ALK: variants seen among roughly 807,000 people sequenced by gnomAD.
ALK encodes ALK receptor tyrosine kinase.
Under a neutral mutation model 163.1 loss-of-function variants are expected in ALK, and 74 were observed. The ratio of observed to expected loss-of-function variants is 0.45; its 90% CI spans 0.38 to 0.55. The LOEUF (loss-of-function observed/expected upper bound fraction) is 0.55. Among genes scored for constraint, ALK ranks in the 20% least tolerant of loss-of-function variants. The pLI is 0.00. For missense variants in ALK, 2,063 were observed against 2,105.3 expected, an observed-to-expected ratio of 0.98 and a Z score of 0.39; for synonymous variants, 960 against 843.2, an observed-to-expected ratio of 1.14 and a Z score of -2.40.
At chr2:29,841,027 C>T (rs1349363953) in intron 1 of ALK, among the ~76,000 whole-genome samples, 1 of 152,180 alleles carries the variant, frequency 6.6e-6, no homozygotes, top group African/African-American at 2.4e-5. Flanking sequence ...CTCTAAGAAT[C>T]ATTTTGTTAG....
intron 1 of ALK, among the ~76,000 whole-genome samples, chr2:29,840,935 C>T (rs570987257): frequency 2.4e-4 from 36 of 152,220 alleles, no homozygotes; most frequent in African/African-American, 6.5e-4. Flanking sequence ...CTTTTAGATA[C>T]GGCTACTGTT....
chr2:29,292,727 C>G (rs1666067875), intron 9 of ALK, among the ~76,000 whole-genome samples: 2 of 152,176 alleles, frequency 1.3e-5, no homozygotes, highest in Non-Finnish European at 2.9e-5. Flanking sequence ...TTTCCTGTTA[C>G]TCATTATACT....
intron 4 of ALK, among the ~76,000 whole-genome samples, chr2:29,483,171 C>T (rs1180634151): frequency 3.9e-5 from 6 of 152,160 alleles, no homozygotes; most frequent in Non-Finnish European, 8.8e-5. Flanking sequence ...TAAGCATCTC[C>T]CTCTCCCAGA....
intron 1 of ALK, among the ~76,000 whole-genome samples, chr2:29,892,643 G>T (rs1390144175): frequency 6.6e-6 from 1 of 152,170 alleles, no homozygotes; most frequent in Non-Finnish European, 1.5e-5. Context: ...GAGAGCTGAA[G>T]GGATTGGTCA....
At chr2:29,541,615 T>G (rs187675243) in intron 3 of ALK, among the ~76,000 whole-genome samples, 135 of 152,300 alleles carry the variant, frequency 8.9e-4, no homozygotes, top group African/African-American at 3.2e-3. Context: ...TGTTAAGGCT[T>G]CAAAGTGGGG....
At chr2:29,589,662 G>A (rs1248693203) in intron 3 of ALK, among the ~76,000 whole-genome samples, 1 of 152,096 alleles carries the variant, frequency 6.6e-6, no homozygotes, top group Non-Finnish European at 1.5e-5. Flanking sequence ...CAAAATCATT[G>A]GCTAACTCCA....
At chr2:29,789,225 T>C (rs1664127179) in intron 1 of ALK, among the ~76,000 whole-genome samples, 1 of 152,222 alleles carries the variant, frequency 6.6e-6, no homozygotes, top group African/African-American at 2.4e-5. Context: ...TATCATTTCA[T>C]TTATTTTTTT....
intron 3 of ALK, among the ~76,000 whole-genome samples, chr2:29,562,455 T>C (rs10184907): frequency 0.18 from 27,776 of 152,186 alleles, 3,107 homozygotes; most frequent in African/African-American, 0.3. Context: ...CTCTAGTTTA[T>C]CAGTTTTCTC....
intron 1 of ALK, among the ~76,000 whole-genome samples, chr2:29,845,576 G>C (rs545222072): frequency 2.0e-5 from 3 of 152,034 alleles, no homozygotes; most frequent in East Asian, 1.9e-4. Context: ...CTGGGAGTAC[G>C]GGCATGTGCC....
chr2:29,501,208 C>A (rs914864237), intron 4 of ALK, among the ~76,000 whole-genome samples: 1 of 152,182 alleles, frequency 6.6e-6, no homozygotes, highest in African/African-American at 2.4e-5. Context: ...CTGTCCTCTC[C>A]ACTGATTCTT....
At position 29,383,010 on chromosome 2, in the gene ALK, C is replaced by G. The variant is rs144391503; in HGVS notation, c.1282+722G>C. ...CAGAGGCACAAAGTTCAAATCCAGG[C>G]CTGTACATGGAACAGATGACTGTGG... On this transcript the variant is annotated intron_variant, in intron 5 of 28. Transcript: ENST00000389048. Among the ~76,000 whole-genome samples the G allele has an allele frequency of 2.1e-3, 323 of 152,238 alleles. 2 individuals carry two copies. Among genetic ancestry groups the G allele is most frequent in the East Asian group, 0.01 (54 of 5,176 alleles).
intron 1 of ALK, among the ~76,000 whole-genome samples, chr2:29,906,713 A>G (rs2148434587): frequency 6.6e-6 from 1 of 152,300 alleles, no homozygotes; most frequent in African/African-American, 2.4e-5. Context: ...TTTATTTGCA[A>G]AAACGAAAAG....
At chr2:29,754,699 A>G (rs1680464194) in intron 1 of ALK, among the ~76,000 whole-genome samples, 1 of 151,914 alleles carries the variant, frequency 6.6e-6, no homozygotes, top group Non-Finnish European at 1.5e-5. Context: ...CAAAATAATA[A>G]TAATAATAAT....
chr2:29,367,392 T>C (rs1240088231), intron 5 of ALK, among the ~76,000 whole-genome samples: 1 of 152,206 alleles, frequency 6.6e-6, no homozygotes, highest in Non-Finnish European at 1.5e-5. Flanking sequence ...AGAACCATAA[T>C]GTCTTTGGGA....
chr2:29,693,898 T>G (rs1261367887), intron 3 of ALK, among the ~76,000 whole-genome samples: 1 of 152,128 alleles, frequency 6.6e-6, no homozygotes, highest in Non-Finnish European at 1.5e-5. Flanking sequence ...GAGCACTAGT[T>G]TTCTTATCTG....
At chr2:29,598,588 G>T (rs1163570448) in intron 3 of ALK, among the ~76,000 whole-genome samples, 1 of 152,074 alleles carries the variant, frequency 6.6e-6, no homozygotes, top group Non-Finnish European at 1.5e-5. Flanking sequence ...ATCAGGCTCT[G>T]GTTTTAATAG....
At chr2:29,379,452 TAAAAG>T (rs955359413) in intron 5 of ALK, among the ~76,000 whole-genome samples, 4 of 152,250 alleles carry the variant, frequency 2.6e-5, no homozygotes, top group African/African-American at 7.2e-5. Context: ...CCTGGAGAAA[TAAAAG>T]AAATGTAAGA....
At chr2:29,546,136 A>G (rs962767844) in intron 3 of ALK, among the ~76,000 whole-genome samples, 2 of 152,176 alleles carry the variant, frequency 1.3e-5, no homozygotes, top group Non-Finnish European at 2.9e-5. Context: ...ACGTTTTTAT[A>G]TATTCCCTTT....
At chr2:29,666,430 C>T (rs1231157934) in intron 3 of ALK, among the ~76,000 whole-genome samples, 1 of 152,110 alleles carries the variant, frequency 6.6e-6, no homozygotes, top group Non-Finnish European at 1.5e-5. Flanking sequence ...CCAGAAGTCA[C>T]TTGATCAATG....
Sources: gnomAD v4.1 joint callset for allele counts (sites outside exome capture counted in the v4.1 genomes callset) on GRCh38, gnomAD v4.1.1 for gene constraint, MANE v1.5 for transcripts, NCBI Gene and HGNC (gene_info 2026-07-23, HGNC 2026-07-21) for gene names.